The following CELF2 variants were observed in gnomAD, a reference collection of about 807,000 sequenced individuals.
The protein encoded by CELF2 is CUGBP Elav-like family member 2, also known as CUG triplet repeat RNA-binding protein 2.
Under a neutral mutation model 62.6 loss-of-function variants are expected in CELF2, and 8 were observed. The observed-to-expected ratio is 0.13, with a 90% CI of 0.07 to 0.23. CELF2 has a LOEUF of 0.23. Among genes scored for constraint, CELF2 ranks in the 10% least tolerant of loss-of-function variants. The pLI, the probability that CELF2 is intolerant of heterozygous loss-of-function variation, is 1.00. For missense variants in CELF2, 333 were observed against 671.0 expected (o/e 0.50, Z 5.56); for synonymous variants, 258 against 250.0 (o/e 1.03, Z -0.30).
intron 1 of CELF2, among the ~76,000 whole-genome samples, chr10:10,907,179 A>G (rs2063419789): frequency 6.6e-6 from 1 of 152,188 alleles, no homozygotes; most frequent in South Asian, 2.1e-4. Context: ...AGCTTGCAAC[A>G]GGCCCTAGAG....
chr10:11,329,950 A>AAGTT lies in CELF2; in HGVS notation c.*899_*902dup, dbSNP rs1489407631. On this transcript the variant is annotated 3_prime_UTR_variant, in exon 13 of 13. Transcript: ENST00000633077. This position sits in a 1 kb window ranked among gnomAD's most constrained non-coding sequence, Gnocchi z 5.5. ...ATTTTTACTGCCTCAGAAATAATGGAAGTTATTTATTGCCTATTGTTAACT... is the reference window on the plus strand; with the variant it reads ...ATTTTTACTGCCTCAGAAATAATGGAAGTTAGTTATTTATTGCCTATTGTTAACT... 6.6e-6 allele frequency: 1 copy of AAGTT among 152,594 alleles called. No homozygotes were observed. Among genetic ancestry groups the AAGTT allele is most frequent in the Non-Finnish European group, 1.5e-5 (1 of 68,022 alleles). The allele number at this position is 152,594 out of a possible 1,614,324, so 9.5% of individuals were successfully genotyped here. A position where few individuals can be genotyped will look rare whatever the true frequency, so the allele number is the denominator to read the frequency against.
At chr10:10,468,210 T>C in the CELF2 span, among the ~76,000 whole-genome samples, 13 of 152,142 alleles carry the variant, frequency 8.5e-5, no homozygotes, top group Middle Eastern at 3.4e-3. Flanking sequence ...TGGCGTTCTC[T>C]AAACACTCTT....
At position 11,178,039 on chromosome 10, in the gene CELF2, G is replaced by T. The variant is rs1293898929; in HGVS notation, c.271+12357G>T. Among the ~76,000 whole-genome samples the T allele has an allele frequency of 6.6e-6, 1 of 152,180 alleles. No individual in the cohort carries two copies. Among genetic ancestry groups the T allele is most frequent in the African/African-American group, 2.4e-5 (1 of 41,446 alleles). On this transcript the variant is annotated intron_variant, in intron 2 of 12. Transcript: ENST00000633077. The surrounding 1 kb of genome is among the most constrained non-coding windows in gnomAD (Gnocchi z 4.3). Reference sequence around the variant, plus strand: ...GACATCTGAAAAGAGGGTTTCAGGTGTTTGCAAAGAGGTCAGATCCCTACA... The same window carrying T: ...GACATCTGAAAAGAGGGTTTCAGGTTTTTGCAAAGAGGTCAGATCCCTACA...
chr10:11,253,372 C>G (rs1470549014), intron 4 of CELF2, among the ~76,000 whole-genome samples: 1 of 152,170 alleles, frequency 6.6e-6, no homozygotes, highest in African/African-American at 2.4e-5. Flanking sequence ...TAGCAGCAGT[C>G]AAGATAACTA....
At chr10:10,588,167 C>T in the CELF2 span, among the ~76,000 whole-genome samples, 73 of 152,268 alleles carry the variant, frequency 4.8e-4, 1 homozygote, top group Admixed American at 3.9e-3. Context: ...GTCTCTCAGA[C>T]GCTGATGGCC....
intron 1 of CELF2, among the ~76,000 whole-genome samples, chr10:10,801,172 G>C (rs2054626469): frequency 6.6e-6 from 1 of 152,042 alleles, no homozygotes; most frequent in South Asian, 2.1e-4. Flanking sequence ...TCAGAAACTT[G>C]GACTGGCAAG....
intron 2 of CELF2, among the ~76,000 whole-genome samples, chr10:10,956,502 A>C (rs1449700727): frequency 6.6e-6 from 1 of 152,212 alleles, no homozygotes; most frequent in Non-Finnish European, 1.5e-5. Flanking sequence ...GCTTTTAAGC[A>C]TTGTGACCCA....
chr10:11,267,446 C>T lies in CELF2; in HGVS notation c.618+769C>T, dbSNP rs779579220. The stretch of plus-strand genomic sequence containing the variant: ...CAAAAGCATTCCAAGAGTGATATGC[C>T]GTTACTTCTTCTGTATTGTCTGATA... On this transcript the variant is annotated intron_variant, in intron 6 of 12. Coordinates refer to ENST00000633077, the MANE Select transcript of CELF2 (RefSeq NM_001326342.2). The surrounding 1 kb of genome is among the most constrained non-coding windows in gnomAD (Gnocchi z 4.4). Among the ~76,000 whole-genome samples the T allele has an allele frequency of 7.9e-5, 12 of 152,036 alleles. No homozygotes were observed. Among genetic ancestry groups the T allele is most frequent in the Admixed American group, 1.3e-4 (2 of 15,274 alleles).
chr10:11,124,173 G>C (rs1372786895), intron 1 of CELF2, among the ~76,000 whole-genome samples: 5 of 152,072 alleles, frequency 3.3e-5, no homozygotes, highest in Non-Finnish European at 7.4e-5. Context: ...TTGACACATG[G>C]GGATCATTAC....
chr10:10,865,747 T>G (rs1266520089), intron 1 of CELF2, among the ~76,000 whole-genome samples: 1 of 152,186 alleles, frequency 6.6e-6, no homozygotes, highest in Non-Finnish European at 1.5e-5. Context: ...ATTCATCCAT[T>G]TTTGTTACTA....
intron 1 of CELF2, among the ~76,000 whole-genome samples, chr10:10,904,712 T>C (rs891625376): frequency 1.3e-5 from 2 of 152,204 alleles, no homozygotes; most frequent in South Asian, 2.1e-4. Flanking sequence ...TTGGGGAGGG[T>C]TTAAACTGAG....
At chr10:11,238,651 G>A (rs1405536827) in intron 3 of CELF2, among the ~76,000 whole-genome samples, 4 of 152,204 alleles carry the variant, frequency 2.6e-5, no homozygotes, top group Admixed American at 6.5e-5. Context: ...ATGATAGCTA[G>A]TTGGGTGCCA....
chr10:10,481,451 T>C, the CELF2 span, among the ~76,000 whole-genome samples: 3 of 152,142 alleles, frequency 2.0e-5, no homozygotes, highest in Non-Finnish European at 2.9e-5. Flanking sequence ...ACAGACTTCT[T>C]TGGGGAAAGG....
In CELF2 at chr10:11,195,162, AAT is replaced by A. The variant is rs374297913; in HGVS notation, c.272-22260_272-22259del. Among the ~76,000 whole-genome samples the A allele has an allele frequency of 5.6e-3, 859 of 152,306 alleles. 6 individuals are homozygous for A. The highest frequency in any genetic ancestry group is 0.01 in the Middle Eastern group (3 of 294). ...CTCCTATCACACCTCTAGGTGTGAT[AAT>A]ATTTCTCCTTCTGTTACAACAGAGT... On this transcript the variant is annotated intron_variant, in intron 2 of 12. Transcript: ENST00000633077.
the CELF2 span, among the ~76,000 whole-genome samples, chr10:10,772,430 C>T: frequency 1.3e-5 from 2 of 152,208 alleles, no homozygotes; most frequent in African/African-American, 4.8e-5. Context: ...TTTAAAATTA[C>T]ATGAAGTTTG....
chr10:11,169,667 C>T (rs1057196477), intron 2 of CELF2, among the ~76,000 whole-genome samples: 3 of 152,116 alleles, frequency 2.0e-5, no homozygotes, highest in Non-Finnish European at 4.4e-5. Context: ...GTTAGACTCT[C>T]GAGACTCTAG....
the CELF2 span, among the ~76,000 whole-genome samples, chr10:10,633,577 CTT>C: frequency 6.6e-6 from 1 of 151,994 alleles, no homozygotes; most frequent in African/African-American, 2.4e-5. Flanking sequence ...TTGTCATCGA[CTT>C]TTTTATTTTG....
chr10:11,265,073 C>A (rs1409673447), intron 5 of CELF2, among the ~76,000 whole-genome samples: 2 of 152,222 alleles, frequency 1.3e-5, no homozygotes, highest in Non-Finnish European at 2.9e-5. Context: ...TCTCTTATTG[C>A]TGTTGGATTA....
At chr10:10,605,104 A>G in the CELF2 span, among the ~76,000 whole-genome samples, 3 of 152,248 alleles carry the variant, frequency 2.0e-5, no homozygotes, top group Non-Finnish European at 4.4e-5. Context: ...AAAAAGAATG[A>G]GATCATGTCC....
Sources: gnomAD v4.1 joint callset for allele counts (sites outside exome capture counted in the v4.1 genomes callset) on GRCh38, gnomAD v4.1.1 for gene constraint, Gnocchi (gnomAD v3.1) non-coding constraint, MANE v1.5 for transcripts, NCBI Gene and HGNC (gene_info 2026-07-23, HGNC 2026-07-21) for gene names.